Variants in STPG2 observed in about 807,000 individuals in gnomAD.
STPG2 encodes the protein sperm tail PG-rich repeat containing 2, also known as sperm-tail PG-rich repeat-containing protein 2.
STPG2 carries 56 observed loss-of-function variants against 54.2 expected under a neutral mutation model. That is an observed-to-expected ratio of 1.03 (90% CI 0.83 to 1.29). STPG2 has a LOEUF of 1.29. Ranked by LOEUF, STPG2 falls within the 50% of genes most tolerant of loss-of-function variation. STPG2 has a pLI of 0.00. For synonymous variants in STPG2, 200 were observed against 181.8 expected (o/e 1.10, Z -0.81); for missense variants, 596 against 544.9 (o/e 1.09, Z -0.93).
chr4:97,779,024 C>A (rs1726495700), intron 9 of STPG2, among the ~76,000 whole-genome samples: 1 of 152,158 alleles, frequency 6.6e-6, no homozygotes, highest in Non-Finnish European at 1.5e-5. Context: ...AATCAGAGCA[C>A]CTCCTCCCCT....
chr4:97,597,272 T>C lies in STPG2; in HGVS notation c.1321-38155A>G, dbSNP rs375528899. ...AAAATTGAATCAGTTATAAAAATCC[T>C]ACCAATGAAAAAAAGCCCACAACCA... On this transcript the variant is annotated intron_variant, in intron 10 of 10. Transcript: ENST00000295268. 4.8e-4 allele frequency among the ~76,000 whole-genome samples: 73 copies of C among 152,072 alleles called. No individual in the cohort carries two copies. In the South Asian group the frequency reaches 5.8e-3, roughly 12 times the overall value.
chr4:98,073,941 G>T (rs959357613), intron 5 of STPG2, among the ~76,000 whole-genome samples: 2 of 151,994 alleles, frequency 1.3e-5, no homozygotes, highest in African/African-American at 2.4e-5. Flanking sequence ...AGAATCATTG[G>T]CAAATCTCTT....
chr4:97,912,062 C>T (rs1360049622), intron 8 of STPG2, among the ~76,000 whole-genome samples: 7 of 151,936 alleles, frequency 4.6e-5, no homozygotes, highest in East Asian at 3.9e-4. Context: ...GATTAGGGTC[C>T]GGAGTGGACC....
At position 97,853,103 on chromosome 4, in the gene STPG2, A is replaced by T. The variant is rs971104200; in HGVS notation, c.1045-12171T>A. The stretch of plus-strand genomic sequence containing the variant: ...GCCATTCCCCTGCCTCATCCTCCTG[A>T]GTAGCTGGGACCACAGGCACCCGCC... On this transcript the variant is annotated intron_variant, in intron 8 of 10. Transcript: ENST00000295268. Among the ~76,000 whole-genome samples, 7 of 147,154 alleles carry T rather than the reference A, an allele frequency of 4.8e-5. No individual in the cohort carries two copies. In the South Asian group the frequency reaches 1.5e-3, roughly 32 times the overall value.
chr4:97,637,963 T>C (rs1721616106), intron 10 of STPG2, among the ~76,000 whole-genome samples: 1 of 151,852 alleles, frequency 6.6e-6, no homozygotes, highest in Admixed American at 6.5e-5. Context: ...AAGCTACCAA[T>C]GACTTTCTTC....
chr4:97,842,759 AGATTC>A (rs1728839324), intron 8 of STPG2, among the ~76,000 whole-genome samples: 1 of 151,950 alleles, frequency 6.6e-6, no homozygotes, highest in South Asian at 2.1e-4. Context: ...AAATTCCAGT[AGATTC>A]ACTGCCTCTC....
At chr4:98,011,911 C>T (rs1430763510) in intron 5 of STPG2, among the ~76,000 whole-genome samples, 1 of 152,150 alleles carries the variant, frequency 6.6e-6, no homozygotes, top group Non-Finnish European at 1.5e-5. Flanking sequence ...TGTAGGTCGC[C>T]TGTTCACTCT....
chr4:98,039,687 T>TAA (rs948950908), intron 5 of STPG2, among the ~76,000 whole-genome samples: 1 of 124,352 alleles, frequency 8.0e-6, no homozygotes, highest in African/African-American at 3.1e-5. Context: ...GTGATACATA[T>TAA]ATATATATAT....
chr4:97,521,481 A>G (rs1731179449), intron 4 of STPG2, among the ~76,000 whole-genome samples: 1 of 152,040 alleles, frequency 6.6e-6, no homozygotes, highest in South Asian at 2.1e-4. Flanking sequence ...ATTTGGGATC[A>G]TTACCCAGAA....
chr4:97,452,245 C>T (rs898498156), intron 4 of STPG2, among the ~76,000 whole-genome samples: 2 of 151,788 alleles, frequency 1.3e-5, no homozygotes, highest in Non-Finnish European at 2.9e-5. Context: ...GGCTCAGAAA[C>T]GCCTGCTCCT....
chr4:97,896,568 A>C (rs901005601), intron 8 of STPG2, among the ~76,000 whole-genome samples: 3 of 151,728 alleles, frequency 2.0e-5, no homozygotes, highest in Non-Finnish European at 3.0e-5. Flanking sequence ...ATCTATTCTT[A>C]AGTTATAATG....
intron 8 of STPG2, among the ~76,000 whole-genome samples, chr4:97,932,448 G>A (rs184407798): frequency 6.6e-6 from 1 of 152,190 alleles, no homozygotes; most frequent in East Asian, 1.9e-4. Flanking sequence ...TTGGCTTGCT[G>A]CACCTATCTA....
chr4:97,733,587 C>A (rs1294633969), intron 9 of STPG2, among the ~76,000 whole-genome samples: 1 of 151,880 alleles, frequency 6.6e-6, no homozygotes, highest in African/African-American at 2.4e-5. Context: ...GCTATTAAAA[C>A]AAAAATTAAT....
At chr4:97,949,865 G>GT (rs1553927974) in intron 7 of STPG2, among the ~76,000 whole-genome samples, 2 of 151,786 alleles carry the variant, frequency 1.3e-5, no homozygotes, top group South Asian at 4.2e-4. Flanking sequence ...ATGCCTTTGT[G>GT]TTTTGTTTTT....
intron 10 of STPG2, among the ~76,000 whole-genome samples, chr4:97,593,923 CA>C (rs1202821706): frequency 6.6e-6 from 1 of 152,054 alleles, no homozygotes; most frequent in Non-Finnish European, 1.5e-5. Context: ...TAAGTTCTTC[CA>C]GAAATGAAGC....
intron 8 of STPG2, among the ~76,000 whole-genome samples, chr4:97,926,081 G>C (rs1167825046): frequency 6.6e-6 from 1 of 152,100 alleles, no homozygotes. Flanking sequence ...GATCCTGACT[G>C]ATCATAGGCC....
intron 10 of STPG2, among the ~76,000 whole-genome samples, chr4:97,652,199 T>C (rs1015728658): frequency 1.3e-5 from 2 of 151,902 alleles, no homozygotes; most frequent in African/African-American, 4.8e-5. Context: ...TTACACATTG[T>C]AACGAAGAAA....
intron 10 of STPG2, among the ~76,000 whole-genome samples, chr4:97,690,830 CTG>C (rs1191931632): frequency 2.0e-5 from 3 of 152,098 alleles, no homozygotes; most frequent in African/African-American, 7.2e-5. Context: ...CTCTGAAAAA[CTG>C]TGAGTAGAAG....
chr4:97,970,211 A>G (rs1734274797), intron 7 of STPG2, among the ~76,000 whole-genome samples: 1 of 152,196 alleles, frequency 6.6e-6, no homozygotes, highest in African/African-American at 2.4e-5. Context: ...AAGAATCAAT[A>G]TTGTGAAAAT....
Sources: gnomAD v4.1 joint callset for allele counts (sites outside exome capture counted in the v4.1 genomes callset) on GRCh38, gnomAD v4.1.1 for gene constraint, MANE v1.5 for transcripts, NCBI Gene and HGNC (gene_info 2026-07-23, HGNC 2026-07-21) for gene names.